TBC1D22A: variants seen among roughly 807,000 people sequenced by gnomAD.
TBC1D22A encodes the protein putative GTPase activator.
In TBC1D22A, 38 loss-of-function variants were observed where a neutral mutation model predicts 60.2. That is an observed-to-expected ratio of 0.63 (90% CI 0.49 to 0.83). TBC1D22A has a LOEUF of 0.83. TBC1D22A is among the 40% of genes least tolerant of loss of function. The pLI is 0.00. For missense variants in TBC1D22A, 628 were observed against 701.0 expected (o/e 0.90, Z 1.18); for synonymous variants, 302 against 281.7 (o/e 1.07, Z -0.72).
At chr22:46,826,051 T>G (rs1032848848) in intron 4 of TBC1D22A, among the ~76,000 whole-genome samples, 2 of 151,924 alleles carry the variant, frequency 1.3e-5, no homozygotes, top group African/African-American at 4.8e-5. Context: ...CCTGGCTAAT[T>G]TTTTGTATTT....
At chr22:46,787,831 G>T (rs565902250) in intron 1 of TBC1D22A, among the ~76,000 whole-genome samples, 1 of 152,048 alleles carries the variant, frequency 6.6e-6, no homozygotes, top group African/African-American at 2.4e-5. Context: ...GAATTTGGGG[G>T]AAGTGAATCT....
rs1170804108 is a variant in TBC1D22A at position 47,028,539 on chromosome 22, T to C, written c.1202-8532T>C. ...TCCCCCACGGCCCAGGTTCTGAGAGTGAGTGGTCGCGTTCCTGTCCCTCGG... is the reference window on the plus strand; with the variant it reads ...TCCCCCACGGCCCAGGTTCTGAGAGCGAGTGGTCGCGTTCCTGTCCCTCGG... On this transcript the variant is annotated intron_variant, in intron 10 of 12. Transcript: ENST00000337137. The surrounding 1 kb of genome is among the most constrained non-coding windows in gnomAD (Gnocchi z 4.4). 1.4e-5 allele frequency among the ~76,000 whole-genome samples: 2 copies of C among 145,674 alleles called. No homozygotes were observed. Among genetic ancestry groups the C allele is most frequent in the Non-Finnish European group, 3.0e-5 (2 of 65,956 alleles).
chr22:46,773,744 T>G (rs1436770342), intron 1 of TBC1D22A, among the ~76,000 whole-genome samples: 1 of 152,176 alleles, frequency 6.6e-6, no homozygotes, highest in Non-Finnish European at 1.5e-5. Context: ...AGTGCTGGGA[T>G]TACAGGTGTG....
At chr22:46,815,027 T>C (rs56390871) in intron 4 of TBC1D22A, among the ~76,000 whole-genome samples, 2,747 of 152,346 alleles carry the variant, frequency 0.018, 82 homozygotes, top group African/African-American at 0.063. Context: ...TTCATGGCTT[T>C]ATAATAGTTA....
intron 10 of TBC1D22A, among the ~76,000 whole-genome samples, chr22:47,026,070 T>C (rs115990731): frequency 0.031 from 4,754 of 152,326 alleles, 105 homozygotes; most frequent in Middle Eastern, 0.058. Flanking sequence ...GAATGTGAGG[T>C]TGATTTTCAG....
At chr22:46,933,871 C>T (rs906056468) in intron 8 of TBC1D22A, among the ~76,000 whole-genome samples, 2 of 152,190 alleles carry the variant, frequency 1.3e-5, no homozygotes, top group African/African-American at 2.4e-5. Flanking sequence ...TGAGAGGAAG[C>T]AGAGGTGGGG....
At chr22:46,956,215 C>T (rs1182690892) in intron 8 of TBC1D22A, among the ~76,000 whole-genome samples, 1 of 152,072 alleles carries the variant, frequency 6.6e-6, no homozygotes, top group Non-Finnish European at 1.5e-5. Context: ...GAGATAGGGT[C>T]TTTAAAGAGG....
chr22:47,115,046 CGGGGT>C (rs2065983564), intron 12 of TBC1D22A, among the ~76,000 whole-genome samples: 1 of 13,340 alleles, frequency 7.5e-5, no homozygotes, highest in African/African-American at 3.1e-4. Context: ...CGGGGCGGGG[CGGGGT>C]GAGGTGAGGT....
intron 10 of TBC1D22A, among the ~76,000 whole-genome samples, chr22:47,026,714 T>C (rs2148357244): frequency 6.6e-6 from 1 of 152,320 alleles, no homozygotes; most frequent in African/African-American, 2.4e-5. Flanking sequence ...GTAATAGGCC[T>C]GTACACTGAA....
intron 11 of TBC1D22A, among the ~76,000 whole-genome samples, chr22:47,062,105 AAAAG>A (rs1388747044): frequency 6.6e-6 from 1 of 151,438 alleles, no homozygotes; most frequent in Non-Finnish European, 1.5e-5. Flanking sequence ...AAAAAAAAAA[AAAAG>A]ACAATGTGAC....
In TBC1D22A at chr22:46,762,695, G is replaced by C. The variant is rs565078395; in HGVS notation, c.-92G>C. The C allele has an allele frequency of 7.1e-5, 83 of 1,163,074 alleles. No individual in the cohort carries two copies. The Admixed American group carries it at 1.0e-3, about 15-fold the overall frequency. 72.0% of individuals were successfully genotyped at this position (1,163,074 alleles called of 1,614,324 possible). On this transcript the variant is annotated 5_prime_UTR_variant, in exon 1 of 13. Transcript: ENST00000337137. ...GGCTCTGGAGTCCCGGGAGCAGTGA[G>C]GGGCCACCCGGGGCACAGGAAAGGG...
intron 7 of TBC1D22A, among the ~76,000 whole-genome samples, chr22:46,897,630 G>A (rs1387520371): frequency 8.1e-6 from 1 of 123,672 alleles, no homozygotes; most frequent in African/African-American, 3.6e-5. Flanking sequence ...TTTTTGTTTT[G>A]TTTCGTTTTG....
chr22:46,933,583 G>T (rs1381700935), intron 8 of TBC1D22A, among the ~76,000 whole-genome samples: 4 of 152,100 alleles, frequency 2.6e-5, no homozygotes, highest in Admixed American at 1.3e-4. Flanking sequence ...TTCCACACAG[G>T]GATGCTATTT....
intron 10 of TBC1D22A, among the ~76,000 whole-genome samples, chr22:47,006,162 G>A (rs1248446677): frequency 6.6e-6 from 1 of 152,172 alleles, no homozygotes; most frequent in Non-Finnish European, 1.5e-5. Flanking sequence ...GTTGCTGGTC[G>A]CACATTTCCG....
rs775320809 is a variant in TBC1D22A at position 46,891,282 on chromosome 22, A to G, written c.725A>G (p.Asn242Ser). 1.1e-5 allele frequency: 17 copies of G among 1,611,548 alleles called. No individual in the cohort carries two copies. The highest frequency in any genetic ancestry group is 5.3e-5 in the African/African-American group (4 of 74,836). The change falls in exon 6 of 13, where the codon AAT becomes AGT. Residue 242 changes from asparagine (N) to serine (S), a missense_variant. Coordinates refer to ENST00000337137, the MANE Select transcript of TBC1D22A (RefSeq NM_014346.5). ...CTCACCCAGGGTTACCTTCCCGCCA[A>G]TGTAGACCGGAGACCAGCCACTCTC... ...WKLLSGYLPA[N>S]VDRRPATLQR...
chr22:46,964,728 T>C (rs2073713287), intron 8 of TBC1D22A, among the ~76,000 whole-genome samples: 1 of 152,170 alleles, frequency 6.6e-6, no homozygotes. Flanking sequence ...CTGGATGTAA[T>C]AGAGAGGGAG....
chr22:46,935,633 A>C (rs2071604639), intron 8 of TBC1D22A, among the ~76,000 whole-genome samples: 1 of 152,140 alleles, frequency 6.6e-6, no homozygotes, highest in African/African-American at 2.4e-5. Flanking sequence ...TGCAGCGGTC[A>C]CTTCCCCAGG....
At position 46,962,165 on chromosome 22, in the gene TBC1D22A, G is replaced by C. The variant is rs554340269; in HGVS notation, c.1016-12125G>C. On this transcript the variant is annotated intron_variant, in intron 8 of 12. Transcript: ENST00000337137. ...CAGCTGGCTTCTGCCCAGGATCGGT[G>C]CTCGCCACCTCACTGCCCCTCCTGC... Among the ~76,000 whole-genome samples, 5 of 152,306 alleles carry C rather than the reference G, an allele frequency of 3.3e-5. No homozygotes were observed. The East Asian group carries it at 9.7e-4, about 29-fold the overall frequency.
intron 10 of TBC1D22A, among the ~76,000 whole-genome samples, chr22:47,011,308 G>A (rs775119951): frequency 2.0e-5 from 3 of 152,104 alleles, no homozygotes; most frequent in African/African-American, 2.4e-5. Context: ...GCCTGTGGTC[G>A]GGCCCTCTAC....
Sources: allele counts gnomAD v4.1 joint callset (sites outside exome capture counted in the v4.1 genomes callset), GRCh38; gene constraint gnomAD v4.1.1; non-coding constraint Gnocchi (gnomAD v3.1); transcripts MANE v1.5; gene names NCBI Gene and HGNC (gene_info 2026-07-23, HGNC 2026-07-21).